The following HTR7 variants were observed in gnomAD, a reference collection of about 807,000 sequenced individuals.
The protein encoded by HTR7 is 5-HT-7.
In HTR7, 16 loss-of-function variants were observed where a neutral mutation model predicts 34.0. The ratio of observed to expected loss-of-function variants is 0.47; its 90% CI spans 0.32 to 0.71. The LOEUF (loss-of-function observed/expected upper bound fraction) is 0.71, where lower values mean the gene tolerates loss of function less well. HTR7 is among the 30% of genes least tolerant of loss of function. HTR7 has a pLI of 0.04. For missense variants in HTR7, 504 were observed against 625.5 expected (o/e 0.81, Z 2.07); for synonymous variants, 265 against 260.2 (o/e 1.02, Z -0.18).
At chr10:90,756,515 G>A (rs1356361818) in intron 1 of HTR7, among the ~76,000 whole-genome samples, 1 of 152,040 alleles carries the variant, frequency 6.6e-6, no homozygotes, top group Non-Finnish European at 1.5e-5. Context: ...CTTACAGTTA[G>A]GAACAATAAA....
At chr10:90,742,631 T>C in intron 3 of HTR7, 103 bp from the exon 4 acceptor site, 3 of 722,120 alleles carry the variant, frequency 4.2e-6, no homozygotes, top group Non-Finnish European at 7.1e-6. Context: ...AGTCAGTAAT[T>C]TGAATCATTT....
At chr10:90,798,609 G>T (rs970552876) in intron 1 of HTR7, among the ~76,000 whole-genome samples, 3 of 152,192 alleles carry the variant, frequency 2.0e-5, no homozygotes, top group Non-Finnish European at 4.4e-5. Flanking sequence ...CAGCAACTCA[G>T]GGACCAAGGT....
At position 90,818,200 on chromosome 10, in the gene HTR7, T is replaced by C. The variant is rs376484798; in HGVS notation, c.539+38933A>G. 2.5e-3 allele frequency among the ~76,000 whole-genome samples: 385 copies of C among 152,304 alleles called. 1 individual carries two copies. Among genetic ancestry groups the C allele is most frequent in the Middle Eastern group, 0.01 (3 of 294 alleles). On this transcript the variant is annotated intron_variant, in intron 1 of 3. Transcript: ENST00000336152. ...TGGGTCATTGAGGGCCCTGCCTTTA[T>C]TAACGTAACATTGTTCTGCACTCAT...
chr10:90,771,284 AC>A (rs999494325), intron 1 of HTR7, among the ~76,000 whole-genome samples: 6 of 152,088 alleles, frequency 3.9e-5, no homozygotes, highest in African/African-American at 1.4e-4. Context: ...CGTCTTGCTC[AC>A]CCTTCACTTG....
At position 90,748,955 on chromosome 10, in the gene HTR7, G is replaced by T; in HGVS notation, c.1179C>A (p.Thr393=). Reference sequence around the variant, plus strand: ...GGCACTGGAGCAGGCTGCGATAGGTGGTCCTCAGGTCCCGGTTGAAGAAGG... The same window carrying T: ...GGCACTGGAGCAGGCTGCGATAGGTTGTCCTCAGGTCCCGGTTGAAGAAGG... ...IYAFFNRDLR[T]TYRSLLQCQY... is the part of the protein sequence containing the mutation. The change falls in exon 2 of 4, where the codon ACC becomes ACA. Residue 393 remains threonine (T), a synonymous_variant. Coordinates refer to ENST00000336152, the MANE Select transcript of HTR7 (RefSeq NM_019859.4). 1 of 1,614,156 alleles carries T rather than the reference G, an allele frequency of 6.2e-7. No individual in the cohort carries two copies. Among genetic ancestry groups the T allele is most frequent in the Non-Finnish European group, 8.5e-7 (1 of 1,180,026 alleles).
chr10:90,815,370 G>A (rs1005881965), intron 1 of HTR7, among the ~76,000 whole-genome samples: 4 of 152,162 alleles, frequency 2.6e-5, no homozygotes, highest in African/African-American at 9.7e-5. Flanking sequence ...TGGATTACAG[G>A]CAAAAGTTGG....
chr10:90,779,878 T>G (rs368053358), intron 1 of HTR7, among the ~76,000 whole-genome samples: 3 of 152,216 alleles, frequency 2.0e-5, no homozygotes, highest in Admixed American at 6.5e-5. Flanking sequence ...CTCCATACTT[T>G]AGGGTAGTGT....
chr10:90,802,088 A>C (rs1021793357), intron 1 of HTR7, among the ~76,000 whole-genome samples: 1 of 152,206 alleles, frequency 6.6e-6, no homozygotes, highest in Non-Finnish European at 1.5e-5. Context: ...CCTGCAGATG[A>C]GTCCATTTTA....
chr10:90,744,202 G>C (rs915146926), intron 2 of HTR7, among the ~76,000 whole-genome samples: 1 of 150,398 alleles, frequency 6.6e-6, no homozygotes, highest in Admixed American at 6.7e-5. Flanking sequence ...AGAGAGGCAG[G>C]GGGAGCAAAG....
chr10:90,848,115 C>A (rs561233699), intron 1 of HTR7, among the ~76,000 whole-genome samples: 136 of 136,184 alleles, frequency 1.0e-3, no homozygotes, highest in Non-Finnish European at 1.6e-3. Context: ...GTTGCCCAAG[C>A]TGGAGTGCAA....
intron 1 of HTR7, among the ~76,000 whole-genome samples, chr10:90,755,100 C>A (rs1385106306): frequency 6.6e-6 from 1 of 152,228 alleles, no homozygotes; most frequent in Non-Finnish European, 1.5e-5. Context: ...ATCCCCCACA[C>A]TGCTGTCAAA....
At chr10:90,753,019 A>T (rs1002543283) in intron 1 of HTR7, among the ~76,000 whole-genome samples, 1 of 152,234 alleles carries the variant, frequency 6.6e-6, no homozygotes, top group Non-Finnish European at 1.5e-5. Context: ...TGACATTTAT[A>T]AGCAACATTT....
chr10:90,785,400 T>A (rs1335264470), intron 1 of HTR7, among the ~76,000 whole-genome samples: 1 of 152,150 alleles, frequency 6.6e-6, no homozygotes, highest in Non-Finnish European at 1.5e-5. Flanking sequence ...CAGAGACATG[T>A]ATTTTGAACT....
intron 1 of HTR7, among the ~76,000 whole-genome samples, chr10:90,786,455 T>C (rs1258275137): frequency 6.6e-6 from 1 of 152,214 alleles, no homozygotes; most frequent in African/African-American, 2.4e-5. Flanking sequence ...CGTGTATTTG[T>C]TCCTAATATC....
intron 1 of HTR7, among the ~76,000 whole-genome samples, chr10:90,811,647 C>T (rs1845811441): frequency 6.6e-6 from 1 of 152,080 alleles, no homozygotes; most frequent in South Asian, 2.1e-4. Context: ...ATCTGCTATG[C>T]TACTACTCCT....
chr10:90,750,583 G>A (rs1464274832), intron 1 of HTR7, among the ~76,000 whole-genome samples: 2 of 152,048 alleles, frequency 1.3e-5, no homozygotes, highest in Non-Finnish European at 2.9e-5. Flanking sequence ...TCATTTTGTT[G>A]TTGTTTTTAC....
Position 90,749,412 on chromosome 10 carries a change from A to C in HTR7, c.722T>G (p.Ile241Ser), listed in dbSNP as rs760037337. The C allele has an allele frequency of 2.5e-6, 4 of 1,614,156 alleles. No homozygotes were observed. Among genetic ancestry groups the C allele is most frequent in the Admixed American group, 1.7e-5 (1 of 60,026 alleles). The change falls in exon 2 of 4, where the codon ATT becomes AGT. Residue 241 changes from isoleucine (I) to serine (S), a missense_variant. Transcript: ENST00000336152. The surrounding 1 kb of genome is among the most constrained non-coding windows in gnomAD (Gnocchi z 4.2). ...CLISQDFGYT[I>S]YSTAVAFYIP... ...ATAAAATGCCACTGCGGTAGAGTAAATCGTATAGCCAAAGTCCTGGCTGAT... is the reference window on the plus strand; with the variant it reads ...ATAAAATGCCACTGCGGTAGAGTAACTCGTATAGCCAAAGTCCTGGCTGAT...
At chr10:90,776,991 G>A (rs1485052094) in intron 1 of HTR7, among the ~76,000 whole-genome samples, 2 of 152,200 alleles carry the variant, frequency 1.3e-5, no homozygotes, top group Non-Finnish European at 2.9e-5. Flanking sequence ...TGTAGAATAA[G>A]TGAGTATATA....
At position 90,809,328 on chromosome 10, in the gene HTR7, C is replaced by T. The variant is rs531372029; in HGVS notation, c.539+47805G>A. Among the ~76,000 whole-genome samples the T allele has an allele frequency of 7.9e-5, 12 of 152,220 alleles. No homozygotes were observed. In the South Asian group the frequency reaches 1.2e-3, roughly 16 times the overall value. On this transcript the variant is annotated intron_variant, in intron 1 of 3. Transcript: ENST00000336152. The stretch of plus-strand genomic sequence containing the variant: ...TTTTTCTTTATCCCAAATCAGATAG[C>T]GTTTAGGCTCTTTTTCATCAAATAT...
Sources: allele counts gnomAD v4.1 joint callset (sites outside exome capture counted in the v4.1 genomes callset), GRCh38; gene constraint gnomAD v4.1.1; non-coding constraint Gnocchi (gnomAD v3.1); transcripts MANE v1.5; gene names NCBI Gene and HGNC (gene_info 2026-07-23, HGNC 2026-07-21).